The following TGIF1 variants were observed in gnomAD, a reference collection of about 807,000 sequenced individuals.
TGIF1 encodes homeobox protein TGIF1.
In TGIF1, 4 loss-of-function variants were observed where a neutral mutation model predicts 19.3. The observed-to-expected ratio is 0.21, with a 90% CI of 0.10 to 0.47. TGIF1 has a LOEUF of 0.47. Ranked by LOEUF, TGIF1 falls within the 20% of genes least tolerant of loss-of-function variation. The pLI, the probability that TGIF1 is intolerant of heterozygous loss-of-function variation, is 0.98. For missense variants in TGIF1, 275 were observed against 341.4 expected (o/e 0.81, Z 1.53); for synonymous variants, 122 against 129.3 (o/e 0.94, Z 0.38).
chr18:3,416,376 G>A (rs1321660103), intron 1 of TGIF1, among the ~76,000 whole-genome samples: 1 of 152,078 alleles, frequency 6.6e-6, no homozygotes, highest in Non-Finnish European at 1.5e-5. Flanking sequence ...AAAATCAGCA[G>A]GGTGTTATGG....
rs561411905 is a variant in TGIF1, at chr18:3,453,350, C to T, written c.16+2845C>T. Among the ~76,000 whole-genome samples the T allele has an allele frequency of 7.9e-5, 12 of 152,276 alleles. No homozygotes were observed. The East Asian group carries it at 2.3e-3, about 29-fold the overall frequency. ...TCTAGAGTCTCTTCACAACCGGTGTCTCCCTGCCTCCCTGTCTCATGATGT... is the reference window on the plus strand; with the variant it reads ...TCTAGAGTCTCTTCACAACCGGTGTTTCCCTGCCTCCCTGTCTCATGATGT... On this transcript the variant is annotated intron_variant, in intron 1 of 2. Coordinates refer to ENST00000343820, the MANE Select transcript of TGIF1 (RefSeq NM_003244.4).
intron 2 of TGIF1, among the ~76,000 whole-genome samples, chr18:3,425,383 T>C (rs78924452): frequency 0.017 from 2,626 of 152,224 alleles, 74 homozygotes; most frequent in African/African-American, 0.061. Flanking sequence ...ATCATGAAGT[T>C]AGGAGGATGA....
At chr18:3,450,573 C>T in intron 1 of TGIF1, 68 bp downstream of exon 1, 6 of 1,549,156 alleles carry the variant, frequency 3.9e-6, no homozygotes, top group Non-Finnish European at 5.2e-6. Context: ...CCGGGCCGCG[C>T]CGCGCGGAGT....
intron 1 of TGIF1, among the ~76,000 whole-genome samples, chr18:3,413,462 G>A (rs934196900): frequency 2.6e-5 from 4 of 152,140 alleles, no homozygotes; most frequent in African/African-American, 9.7e-5. Flanking sequence ...GAAACTTTCA[G>A]GAAAATGATA....
chr18:3,424,040 G>A (rs1478880319), intron 2 of TGIF1, among the ~76,000 whole-genome samples: 2 of 152,144 alleles, frequency 1.3e-5, no homozygotes, highest in Non-Finnish European at 2.9e-5. Flanking sequence ...GCCCTGGAGT[G>A]CTTATGTTCA....
rs539858187 is a variant in TGIF1 at position 3,451,632 on chromosome 18, G to T, written c.16+1127G>T. ...CCGGCCCGCTGCGGGGCGTTCCTGGGGGGTAGCCTCAAGGCCAGCGGGGTT... is the reference window on the plus strand; with the variant it reads ...CCGGCCCGCTGCGGGGCGTTCCTGGTGGGTAGCCTCAAGGCCAGCGGGGTT... On this transcript the variant is annotated intron_variant, in intron 1 of 2. Coordinates refer to ENST00000343820, the MANE Select transcript of TGIF1 (RefSeq NM_003244.4). This position sits in a 1 kb window ranked among gnomAD's most constrained non-coding sequence, Gnocchi z 5.4. 5.4e-6 allele frequency: 6 copies of T among 1,110,272 alleles called. No individual in the cohort carries two copies. The highest frequency in any genetic ancestry group is 5.0e-5 in the East Asian group (1 of 20,046). 68.8% of individuals were successfully genotyped at this position (1,110,272 alleles called of 1,614,324 possible).
Position 3,456,069 on chromosome 18 carries a change from G to A in TGIF1, c.17-285G>A, listed in dbSNP as rs150736845. 1.5e-3 allele frequency: 695 copies of A among 469,138 alleles called. 6 individuals are homozygous for A. The highest frequency in any genetic ancestry group is 0.012 in the African/African-American group (626 of 51,110). 29.1% of individuals were successfully genotyped at this position (469,138 alleles called of 1,614,324 possible). On this transcript the variant is annotated intron_variant, in intron 1 of 2. Transcript: ENST00000343820. This position sits in a 1 kb window ranked among gnomAD's most constrained non-coding sequence, Gnocchi z 4.2. Reference sequence around the variant, plus strand: ...AGTTTGTCTCCTCCAATGATTAGACGAAAGAGTTTTCTGACCATCATTCAA... The same window carrying A: ...AGTTTGTCTCCTCCAATGATTAGACAAAAGAGTTTTCTGACCATCATTCAA...
chr18:3,446,228 G>C (rs1341902658), upstream of TGIF1, among the ~76,000 whole-genome samples: 1 of 152,124 alleles, frequency 6.6e-6, no homozygotes, highest in African/African-American at 2.4e-5. Context: ...CTGTCACCCA[G>C]GCTGGAGTGC....
intron 1 of TGIF1, among the ~76,000 whole-genome samples, chr18:3,454,207 AC>A (rs2083089551): frequency 6.6e-6 from 1 of 152,132 alleles, no homozygotes. Context: ...CTTAACTGAA[AC>A]CTGCTTTTGT....
In TGIF1 at chr18:3,458,026, T is replaced by G. The variant is rs890190970; in HGVS notation, c.*86T>G. On this transcript the variant is annotated 3_prime_UTR_variant, in exon 3 of 3. Coordinates refer to ENST00000343820, the MANE Select transcript of TGIF1 (RefSeq NM_003244.4). ...TGAATTGCATTATTTTATATATTTT[T>G]TATTAATATTTGCACATGGGATTGC... is the stretch of plus-strand genomic sequence containing the variant. 1 of 1,245,998 alleles carries G rather than the reference T, an allele frequency of 8.0e-7. No individual in the cohort carries two copies. The highest frequency in any genetic ancestry group is 1.5e-5 in the African/African-American group (1 of 66,630). The allele number at this position is 1,245,998 out of a possible 1,614,324, so 77.2% of individuals were successfully genotyped here.
intron 1 of TGIF1, chr18:3,453,677 A>G (rs112027463): frequency 0.063 from 31,032 of 491,628 alleles, 1,431 homozygotes; most frequent in African/African-American, 0.16. Context: ...CAAGAGCGAA[A>G]CTCTGTCTCA....
At chr18:3,452,563 C>T (rs980230427) in intron 1 of TGIF1, among the ~76,000 whole-genome samples, 1 of 152,028 alleles carries the variant, frequency 6.6e-6, no homozygotes, top group African/African-American at 2.4e-5. Flanking sequence ...TCCTGGAGTT[C>T]CTTTGCTTGT....
In TGIF1 at chr18:3,457,962, T is replaced by C; in HGVS notation, c.*22T>C. ...TTAACCCATTTTCAAGCAAAACAGT[T>C]CTCAGAAATGTCATGATTGCCGGGG... On this transcript the variant is annotated 3_prime_UTR_variant, in exon 3 of 3. Coordinates refer to ENST00000343820, the MANE Select transcript of TGIF1 (RefSeq NM_003244.4). This position sits in a 1 kb window ranked among gnomAD's most constrained non-coding sequence, Gnocchi z 4.9. The C allele has an allele frequency of 6.3e-7, 1 of 1,594,774 alleles. No individual in the cohort carries two copies. The highest frequency in any genetic ancestry group is 8.5e-7 in the Non-Finnish European group (1 of 1,175,434).
chr18:3,448,620 G>A (rs778748908), upstream of TGIF1: 40 of 985,020 alleles, frequency 4.1e-5, no homozygotes, highest in Non-Finnish European at 4.5e-5. Context: ...TTAGAGAGAC[G>A]CTTTTTTTCC....
chr18:3,436,893 T>G (rs547477362), intron 2 of TGIF1, among the ~76,000 whole-genome samples: 17 of 151,642 alleles, frequency 1.1e-4, no homozygotes, highest in African/African-American at 3.6e-4. Context: ...TCATTCCAGG[T>G]CAGGAGTTCA....
At chr18:3,415,616 T>G (rs2082322658) in intron 1 of TGIF1, 2 of 200,270 alleles carry the variant, frequency 1.0e-5, no homozygotes, top group African/African-American at 4.5e-5. Flanking sequence ...AAAGCTCTAT[T>G]TAATTATCGG....
At chr18:3,452,292 C>G in intron 1 of TGIF1, 1 of 1,611,846 alleles carries the variant, frequency 6.2e-7, no homozygotes, top group Non-Finnish European at 8.5e-7. Flanking sequence ...GGCTGGGCCC[C>G]GCCGGCCGCA....
At chr18:3,417,114 CTA>C (rs768113505) in intron 1 of TGIF1, among the ~76,000 whole-genome samples, 25 of 151,998 alleles carry the variant, frequency 1.6e-4, no homozygotes, top group Admixed American at 4.6e-4. Flanking sequence ...TTGTAGCACT[CTA>C]GACGTCCAGC....
intron 2 of TGIF1, among the ~76,000 whole-genome samples, chr18:3,439,391 A>G (rs1172431352): frequency 1.3e-5 from 2 of 149,802 alleles, no homozygotes; most frequent in African/African-American, 4.9e-5. Flanking sequence ...TCTATTGCCC[A>G]GGTTGGAGTA....
Sources: allele counts gnomAD v4.1 joint callset (sites outside exome capture counted in the v4.1 genomes callset), GRCh38; gene constraint gnomAD v4.1.1; non-coding constraint Gnocchi (gnomAD v3.1); transcripts MANE v1.5; gene names NCBI Gene and HGNC (gene_info 2026-07-23, HGNC 2026-07-21).